The following MAML2 variants were observed in gnomAD, a reference collection of about 807,000 sequenced individuals.
The protein encoded by MAML2 is mastermind like transcriptional coactivator 2, also known as mastermind-like protein 2.
In MAML2, 22 loss-of-function variants were observed where a neutral mutation model predicts 96.1. That is an observed-to-expected ratio of 0.23 (90% CI 0.16 to 0.33). The LOEUF (loss-of-function observed/expected upper bound fraction) is 0.33. MAML2 is among the 10% of genes least tolerant of loss of function. The probability of loss-of-function intolerance (pLI) is 1.00; values close to 1 mark genes in which losing one functional copy is unlikely to be tolerated. For missense variants in MAML2, 1,367 were observed against 1,392.4 expected (o/e 0.98, Z 0.29); for synonymous variants, 561 against 521.3 (o/e 1.08, Z -1.04).
intron 1 of MAML2, among the ~76,000 whole-genome samples, chr11:96,305,922 T>C (rs1180626738): frequency 4.6e-5 from 7 of 152,160 alleles, no homozygotes; most frequent in Non-Finnish European, 1.0e-4. Flanking sequence ...AAAGTGTTTT[T>C]AAAAGACAAA....
chr11:96,199,396 T>C (rs1209186309), intron 1 of MAML2, among the ~76,000 whole-genome samples: 1 of 152,128 alleles, frequency 6.6e-6, no homozygotes, highest in South Asian at 2.1e-4. Context: ...CTGGTTTACC[T>C]ACTCTGGGAC....
intron 3 of MAML2, 149 bp downstream of exon 3, chr11:95,991,371 A>G: frequency 2.7e-6 from 2 of 736,598 alleles, no homozygotes; most frequent in Middle Eastern, 4.0e-4. Flanking sequence ...TTCCTGCAGT[A>G]CACTAAATGT....
At chr11:96,138,632 G>A (rs1860677306) in intron 1 of MAML2, among the ~76,000 whole-genome samples, 1 of 152,066 alleles carries the variant, frequency 6.6e-6, no homozygotes, top group Non-Finnish European at 1.5e-5. Context: ...TGGGGGGGTT[G>A]GTGAATAATG....
intron 2 of MAML2, among the ~76,000 whole-genome samples, chr11:96,032,785 G>A (rs1165547515): frequency 1.3e-5 from 2 of 152,086 alleles, no homozygotes; most frequent in Non-Finnish European, 2.9e-5. Flanking sequence ...AGTGAAAGAA[G>A]CCAGTGGCAA....
intron 1 of MAML2, among the ~76,000 whole-genome samples, chr11:96,116,019 C>CT (rs1451885453): frequency 1.3e-5 from 2 of 152,034 alleles, no homozygotes. Flanking sequence ...AGCTGGTAAA[C>CT]TTTTTTTTCC....
intron 1 of MAML2, among the ~76,000 whole-genome samples, chr11:96,277,564 C>T (rs1417234933): frequency 2.0e-5 from 3 of 151,674 alleles, no homozygotes; most frequent in Admixed American, 2.0e-4. Context: ...CCAGCCTGGC[C>T]AACATGGTGA....
intron 1 of MAML2, among the ~76,000 whole-genome samples, chr11:96,215,322 C>G (rs561479372): frequency 1.3e-5 from 2 of 152,210 alleles, no homozygotes; most frequent in Non-Finnish European, 2.9e-5. Flanking sequence ...TTCCAAGTAA[C>G]AAATCTTCAT....
intron 1 of MAML2, among the ~76,000 whole-genome samples, chr11:96,318,783 A>G (rs1044444061): frequency 6.6e-6 from 1 of 152,228 alleles, no homozygotes; most frequent in African/African-American, 2.4e-5. Context: ...CATTCATTGA[A>G]TACCTATGAA....
intron 1 of MAML2, among the ~76,000 whole-genome samples, chr11:96,138,110 G>A (rs1591034258): frequency 6.6e-6 from 1 of 152,196 alleles, no homozygotes; most frequent in South Asian, 2.1e-4. Context: ...TAAGAACACA[G>A]GATTCCGGTT....
rs79086098 is a variant in MAML2 at position 96,074,479 on chromosome 11, C to T, written c.2139+17413G>A. 7.1e-3 allele frequency among the ~76,000 whole-genome samples: 1,086 copies of T among 152,304 alleles called. 16 individuals are homozygous for T. The highest frequency in any genetic ancestry group is 0.025 in the African/African-American group (1,029 of 41,568). On this transcript the variant is annotated intron_variant, in intron 2 of 4. Coordinates refer to ENST00000524717, the MANE Select transcript of MAML2 (RefSeq NM_032427.4). ...TCTCTCCCAAAACCCCAAGGAAATG[C>T]TATCAAAAGATTCATGTCTTCAATA...
chr11:96,090,565 C>T (rs891511397), intron 2 of MAML2, among the ~76,000 whole-genome samples: 9 of 152,122 alleles, frequency 5.9e-5, no homozygotes, highest in African/African-American at 9.7e-5. Flanking sequence ...AATAGTTCTA[C>T]GACTTGTTTT....
chr11:96,066,266 G>C lies in MAML2; in HGVS notation c.2139+25626C>G, dbSNP rs150512209. On this transcript the variant is annotated intron_variant, in intron 2 of 4. Transcript: ENST00000524717. ...AATAGTGCCAATGAGTCTGTAAATAGTGTCATCGTGTTAAATGACTCACTG... is the reference window on the plus strand; with the variant it reads ...AATAGTGCCAATGAGTCTGTAAATACTGTCATCGTGTTAAATGACTCACTG... 1.6e-4 allele frequency among the ~76,000 whole-genome samples: 25 copies of C among 152,298 alleles called. No individual in the cohort carries two copies. The East Asian group carries it at 3.5e-3, about 21-fold the overall frequency.
intron 1 of MAML2, among the ~76,000 whole-genome samples, chr11:96,324,352 G>A (rs1355258832): frequency 6.6e-6 from 1 of 152,178 alleles, no homozygotes; most frequent in Non-Finnish European, 1.5e-5. Context: ...GCTTAGAAGA[G>A]TGCCAAACAT....
At chr11:96,029,171 T>G (rs1286397968) in intron 2 of MAML2, among the ~76,000 whole-genome samples, 1 of 151,856 alleles carries the variant, frequency 6.6e-6, no homozygotes, top group African/African-American at 2.4e-5. Context: ...ACGGTTTTTT[T>G]TTTTTTTTTA....
At chr11:96,017,732 C>T (rs1038649257) in intron 2 of MAML2, among the ~76,000 whole-genome samples, 1 of 151,880 alleles carries the variant, frequency 6.6e-6, no homozygotes, top group African/African-American at 2.4e-5. Flanking sequence ...GATTTCAAGT[C>T]CTGAGTTCTT....
At chr11:96,326,549 C>A (rs1013188168) in intron 1 of MAML2, among the ~76,000 whole-genome samples, 1 of 152,028 alleles carries the variant, frequency 6.6e-6, no homozygotes, top group African/African-American at 2.4e-5. Flanking sequence ...GTAATCCCAG[C>A]ACTTTGGGGG....
chr11:96,297,802 C>T (rs376454143), intron 1 of MAML2, among the ~76,000 whole-genome samples: 4 of 152,042 alleles, frequency 2.6e-5, no homozygotes, highest in African/African-American at 4.8e-5. Context: ...AAGCAAATCC[C>T]GGCCATAATT....
intron 1 of MAML2, among the ~76,000 whole-genome samples, chr11:96,239,115 C>G (rs546406362): frequency 5.9e-5 from 9 of 152,334 alleles, no homozygotes; most frequent in Non-Finnish European, 1.3e-4. Flanking sequence ...CCATTAAATA[C>G]TCACTTTCCT....
intron 1 of MAML2, among the ~76,000 whole-genome samples, chr11:96,150,301 T>C (rs570491544): frequency 6.6e-6 from 1 of 152,254 alleles, no homozygotes; most frequent in Admixed American, 6.5e-5. Flanking sequence ...AAGTGTGTAA[T>C]CAGAATACAC....
Sources: gnomAD v4.1 joint callset for allele counts (sites outside exome capture counted in the v4.1 genomes callset) on GRCh38, gnomAD v4.1.1 for gene constraint, MANE v1.5 for transcripts, NCBI Gene and HGNC (gene_info 2026-07-23, HGNC 2026-07-21) for gene names.